The following AR variants were observed in gnomAD, a reference collection of about 807,000 sequenced individuals.
AR encodes dihydrotestosterone receptor.
A neutral mutation model predicts 53.9 loss-of-function variants in AR; 8 were observed. The ratio of observed to expected loss-of-function variants is 0.15; its 90% confidence interval spans 0.09 to 0.27. The LOEUF is 0.27. Among genes scored for constraint, AR ranks in the 10% least tolerant of loss-of-function variants. The probability of loss-of-function intolerance (pLI) is 1.00; values close to 1 mark genes in which losing one functional copy is unlikely to be tolerated. For missense variants in AR, 639 were observed against 742.5 expected (o/e 0.86, Z 1.62); for synonymous variants, 359 against 316.4 (o/e 1.13, Z -1.43).
At chrX:67,548,911 C>T (rs1380979036) in intron 1 of AR, among the ~76,000 whole-genome samples, 4 of 110,989 alleles carry the variant, frequency 3.6e-5, no homozygotes, top group African/African-American at 1.3e-4. Flanking sequence ...TTTGTGATTG[C>T]TGCACTGAAT....
chrX:67,612,990 G>A (rs1352631118), intron 1 of AR, among the ~76,000 whole-genome samples: 1 of 111,793 alleles, frequency 8.9e-6, no homozygotes, highest in Non-Finnish European at 1.9e-5. Flanking sequence ...CACTGTTCTA[G>A]GAAGGCATAG....
intron 2 of AR, among the ~76,000 whole-genome samples, chrX:67,667,351 A>G (rs1421621747): frequency 9.0e-6 from 1 of 111,550 alleles, no homozygotes; most frequent in Non-Finnish European, 1.9e-5. Context: ...CCTTTGTTGA[A>G]AATAAGTTCA....
At chrX:67,722,363 CAGG>C (rs375153530) in intron 6 of AR, among the ~76,000 whole-genome samples, 2 of 111,815 alleles carry the variant, frequency 1.8e-5, no homozygotes, top group African/African-American at 3.2e-5. Context: ...CTTCTGCCAA[CAGG>C]AGGAGATCTA....
intron 2 of AR, among the ~76,000 whole-genome samples, chrX:67,679,388 A>G (rs2075919590): frequency 8.9e-6 from 1 of 111,870 alleles, no homozygotes; most frequent in Non-Finnish European, 1.9e-5. Flanking sequence ...AGAATATGGA[A>G]TAATTCATTT....
At chrX:67,699,057 T>A (rs760659156) in intron 3 of AR, among the ~76,000 whole-genome samples, 5 of 112,128 alleles carry the variant, frequency 4.5e-5, no homozygotes, top group Non-Finnish European at 9.4e-5. Flanking sequence ...CGCAAGACTG[T>A]TGGACTCCAG....
intron 1 of AR, among the ~76,000 whole-genome samples, chrX:67,567,865 A>G (rs1043031183): frequency 3.6e-5 from 4 of 111,965 alleles, no homozygotes; most frequent in Admixed American, 9.5e-5. Context: ...ACTAAATCCT[A>G]TACTTCAGGG....
chrX:67,633,693 A>C (rs1012624719), intron 1 of AR, among the ~76,000 whole-genome samples: 1 of 112,002 alleles, frequency 8.9e-6, no homozygotes, highest in African/African-American at 3.2e-5. Context: ...ATGGAAAAAC[A>C]AAATGTGGTA....
chrX:67,660,460 T>C (rs1203105798), intron 2 of AR, among the ~76,000 whole-genome samples: 2 of 111,989 alleles, frequency 1.8e-5, no homozygotes, highest in Non-Finnish European at 3.8e-5. Flanking sequence ...ACACCATTTA[T>C]TAAATAGGGA....
intron 1 of AR, among the ~76,000 whole-genome samples, chrX:67,637,163 A>G (rs967823355): frequency 5.5e-5 from 6 of 109,525 alleles, no homozygotes; most frequent in Middle Eastern, 9.5e-3. Context: ...GCACAACACC[A>G]TATTGTTTTT....
chrX:67,547,245 T>C (rs960220873), intron 1 of AR, among the ~76,000 whole-genome samples: 1 of 111,369 alleles, frequency 9.0e-6, no homozygotes, highest in Non-Finnish European at 1.9e-5. Context: ...TCAGCGGGTA[T>C]CCTCCAGAGA....
At chrX:67,698,092 G>A (rs2076028036) in intron 3 of AR, among the ~76,000 whole-genome samples, 1 of 112,080 alleles carries the variant, frequency 8.9e-6, no homozygotes, top group African/African-American at 3.2e-5. Flanking sequence ...CAGTGATAGA[G>A]CCGGAGTTAC....
intron 5 of AR, 151 bp from the exon 6 acceptor site, chrX:67,721,682 A>G (rs2076136446): frequency 2.6e-6 from 2 of 784,301 alleles, no homozygotes; most frequent in East Asian, 3.3e-5. Flanking sequence ...AAACAAACAA[A>G]AAAACCTTTT....
intron 3 of AR, among the ~76,000 whole-genome samples, chrX:67,708,116 T>G (rs916282049): frequency 8.1e-5 from 9 of 111,542 alleles, no homozygotes; most frequent in African/African-American, 2.6e-4. Flanking sequence ...GATAATTATG[T>G]GTCTTGGAGT....
chrX:67,723,546 C>T lies in AR; in HGVS notation c.2608-140C>T, dbSNP rs1308621648. 7.6e-6 allele frequency: 5 copies of T among 658,843 alleles called. No individual in the cohort carries two copies. The East Asian group carries it at 1.3e-4, about 17-fold the overall frequency. 54.3% of individuals were successfully genotyped at this position (658,843 alleles called of 1,213,427 possible). On this transcript the variant is annotated intron_variant, in intron 7 of 7. Coordinates refer to ENST00000374690, the MANE Select transcript of AR (RefSeq NM_000044.6). ...ACACACACACACACACACACGACCTCATGGGGGAGGACCAAGGAAGTACGG... is the reference window on the plus strand; with the variant it reads ...ACACACACACACACACACACGACCTTATGGGGGAGGACCAAGGAAGTACGG...
rs1381185349 is a variant in AR, at chrX:67,686,124, G to A, written c.1883G>A (p.Gly628Glu). 1 of 1,206,779 alleles carries A rather than the reference G, an allele frequency of 8.3e-7. No individual in the cohort carries two copies. Among genetic ancestry groups the A allele is most frequent in the Non-Finnish European group, 1.1e-6 (1 of 891,539 alleles). Residue 628 changes from glycine to glutamate, a missense_variant and splice_region_variant, in exon 3 of 8, where the codon GGA becomes GAA. By Grantham distance (98) the Gly-to-Glu change is moderately conservative (BLOSUM62 -2). Transcript: ENST00000374690. ...RKCYEAGMTL[G>E]ARKLKKLGNL... Reference sequence around the variant, plus strand: ...TGTTATGAAGCAGGGATGACTCTGGGAGGTAAGATACTTTTCTTTCTCTTC... The same window carrying A: ...TGTTATGAAGCAGGGATGACTCTGGAAGGTAAGATACTTTTCTTTCTCTTC...
At chrX:67,671,777 A>G (rs898805147) in intron 2 of AR, among the ~76,000 whole-genome samples, 1 of 111,950 alleles carries the variant, frequency 8.9e-6, no homozygotes, top group Non-Finnish European at 1.9e-5. Context: ...ATTTTGTATA[A>G]CGTGTAAGGA....
intron 3 of AR, among the ~76,000 whole-genome samples, chrX:67,709,132 C>T (rs955224532): frequency 1.8e-5 from 2 of 111,892 alleles, no homozygotes; most frequent in Non-Finnish European, 3.8e-5. Context: ...AGATCTCCAG[C>T]TGTGTGCTGG....
chrX:67,611,688 T>C (rs1017078463), intron 1 of AR, among the ~76,000 whole-genome samples: 2 of 111,725 alleles, frequency 1.8e-5, no homozygotes, highest in Non-Finnish European at 3.8e-5. Context: ...TCACGAATTA[T>C]GGATGTTAGA....
At chrX:67,589,603 A>G (rs895484655) in intron 1 of AR, among the ~76,000 whole-genome samples, 4 of 111,811 alleles carry the variant, frequency 3.6e-5, no homozygotes, top group Non-Finnish European at 7.5e-5. Context: ...TTGAGGGCAG[A>G]CTCAACTTGA....
Sources: gnomAD v4.1 joint callset for allele counts (sites outside exome capture counted in the v4.1 genomes callset) on GRCh38, gnomAD v4.1.1 for gene constraint, MANE v1.5 for transcripts, NCBI Gene and HGNC (gene_info 2026-07-23, HGNC 2026-07-21) for gene names.